Variants in ERLIN1 observed in about 807,000 individuals in gnomAD.
ERLIN1 encodes the protein erlin-1.
A neutral mutation model predicts 46.9 loss-of-function variants in ERLIN1; 24 were observed. That is an observed-to-expected ratio of 0.51 (90% confidence interval 0.37 to 0.72). ERLIN1 has a LOEUF of 0.72. Among genes scored for constraint, ERLIN1 ranks in the 30% least tolerant of loss-of-function variants. The pLI is 0.00. For synonymous variants in ERLIN1, 158 were observed against 143.2 expected (o/e 1.10, Z -0.74); for missense variants, 293 against 417.9 (o/e 0.70, Z 2.61).
intron 9 of ERLIN1, 126 bp from the exon 10 acceptor site, chr10:100,155,065 T>C: frequency 2.7e-6 from 2 of 735,800 alleles, no homozygotes; most frequent in South Asian, 3.4e-5. Flanking sequence ...TTAGCAGTTT[T>C]CAAGTCCCAG....
chr10:100,154,159 G>A (rs1842948251), intron 10 of ERLIN1, among the ~76,000 whole-genome samples: 1 of 152,106 alleles, frequency 6.6e-6, no homozygotes, highest in South Asian at 2.1e-4. Context: ...TACTATCGGA[G>A]TTCTAGCTGC....
intron 6 of ERLIN1, among the ~76,000 whole-genome samples, chr10:100,168,356 T>C (rs2134140161): frequency 6.6e-6 from 1 of 152,322 alleles, no homozygotes; most frequent in East Asian, 1.9e-4. Context: ...TGAGTCAAAT[T>C]TGTAGGTAAT....
chr10:100,154,821 G>A (rs778636538), intron 10 of ERLIN1, 39 bp downstream of exon 10: 29 of 1,547,534 alleles, frequency 1.9e-5, no homozygotes, highest in Middle Eastern at 1.7e-4. Context: ...GCAAAACCCC[G>A]AAATGCATCA....
At chr10:100,156,486 C>A (rs761710779) in intron 8 of ERLIN1, among the ~76,000 whole-genome samples, 1 of 152,116 alleles carries the variant, frequency 6.6e-6, no homozygotes, top group Non-Finnish European at 1.5e-5. Flanking sequence ...AAGTGCCAGT[C>A]CTTCATGCAA....
At chr10:100,174,481 A>G (rs890633846) in intron 5 of ERLIN1, among the ~76,000 whole-genome samples, 200 bp from the exon 6 acceptor site, 1 of 152,236 alleles carries the variant, frequency 6.6e-6, no homozygotes, top group Non-Finnish European at 1.5e-5. Context: ...TAAGGAACGA[A>G]GATGACAAGC....
At chr10:100,180,535 T>C (rs1844575910) in intron 2 of ERLIN1, among the ~76,000 whole-genome samples, 1 of 152,168 alleles carries the variant, frequency 6.6e-6, no homozygotes, top group Admixed American at 6.5e-5. Context: ...TAAGAACAGA[T>C]GAGGCAGAGG....
intron 7 of ERLIN1, 76 bp downstream of exon 7, chr10:100,167,272 T>G (rs1843697732): frequency 3.8e-6 from 4 of 1,056,834 alleles, no homozygotes; most frequent in Non-Finnish European, 2.9e-6. Context: ...TTGTCTCACA[T>G]GTTTCCTCTA....
At chr10:100,171,534 T>C (rs1457873252) in intron 6 of ERLIN1, among the ~76,000 whole-genome samples, 1 of 152,080 alleles carries the variant, frequency 6.6e-6, no homozygotes, top group Non-Finnish European at 1.5e-5. Context: ...GCCTCCCAAG[T>C]AGCTGGGACT....
intron 2 of ERLIN1, among the ~76,000 whole-genome samples, chr10:100,181,686 TGTATTTTTGTAGACACAGC>T (rs1844658559): frequency 6.6e-6 from 1 of 152,216 alleles, no homozygotes; most frequent in African/African-American, 2.4e-5. Flanking sequence ...AGCTAATTTT[TGTATTTTTGTAGACACAGC>T]GTTTGACCAG....
intron 8 of ERLIN1, among the ~76,000 whole-genome samples, chr10:100,159,018 T>G (rs1843217067): frequency 6.6e-6 from 1 of 152,140 alleles, no homozygotes; most frequent in South Asian, 2.1e-4. Flanking sequence ...TGGATAAGAT[T>G]ACAAAATCCA....
At chr10:100,165,972 G>C (rs186554727) in intron 7 of ERLIN1, among the ~76,000 whole-genome samples, 1 of 151,788 alleles carries the variant, frequency 6.6e-6, no homozygotes, top group Non-Finnish European at 1.5e-5. Context: ...GTGATCCGCC[G>C]GCCTCAGCCT....
intron 7 of ERLIN1, among the ~76,000 whole-genome samples, chr10:100,166,970 A>G (rs1158071431): frequency 6.6e-6 from 1 of 152,234 alleles, no homozygotes; most frequent in Non-Finnish European, 1.5e-5. Flanking sequence ...TATTCCTACC[A>G]TTACAACACA....
intron 9 of ERLIN1, 96 bp from the exon 10 acceptor site, chr10:100,155,035 T>C: frequency 1.9e-6 from 2 of 1,041,524 alleles, no homozygotes; most frequent in Non-Finnish European, 2.9e-6. Flanking sequence ...TTATTTCACA[T>C]TGAAAGTTTT....
chr10:100,151,861 G>A lies in ERLIN1; in HGVS notation c.*270C>T, dbSNP rs764420743. ...AGTGTTTAACATTCCAGTGCAGGCAGTATCTTAGCATCAGACTTTCCTCAT... is the reference window on the plus strand; with the variant it reads ...AGTGTTTAACATTCCAGTGCAGGCAATATCTTAGCATCAGACTTTCCTCAT... On this transcript the variant is annotated 3_prime_UTR_variant, in exon 11 of 11. Transcript: ENST00000421367. The A allele has an allele frequency of 1.2e-4, 59 of 491,254 alleles. No homozygotes were observed. Among genetic ancestry groups the A allele is most frequent in the Non-Finnish European group, 8.6e-5 (23 of 267,300 alleles). The allele number at this position is 491,254 out of a possible 1,614,324, so 30.4% of individuals were successfully genotyped here.
chr10:100,183,462 C>T (rs1445859422), intron 2 of ERLIN1, among the ~76,000 whole-genome samples: 1 of 152,192 alleles, frequency 6.6e-6, no homozygotes, highest in Non-Finnish European at 1.5e-5. Flanking sequence ...GTTTCTAATT[C>T]TTACTTTTAT....
chr10:100,154,904 C>G lies in ERLIN1; in HGVS notation c.781G>C (p.Asp261His), dbSNP rs1431004456. Residue 261 changes from aspartate to histidine, a missense_variant, in exon 10 of 11, where the codon GAT becomes CAT. By Grantham distance (81) the Asp-to-His change is moderately conservative. Transcript: ENST00000421367. ...TTGTGTGCAGCATAATATTCAGCATCTGCTTTCGCTTTCTCTCGGGCCAGG... is the reference window on the plus strand; with the variant it reads ...TTGTGTGCAGCATAATATTCAGCATGTGCTTTCGCTTTCTCTCGGGCCAGG... ...AFLAREKAKA[D>H]AEYYAAHKYA... 1.9e-6 allele frequency: 3 copies of G among 1,613,968 alleles called. No homozygotes were observed. Among genetic ancestry groups the G allele is most frequent in the East Asian group, 4.5e-5 (2 of 44,880 alleles).
At chr10:100,178,824 A>C (rs186411088) in intron 3 of ERLIN1, among the ~76,000 whole-genome samples, 141 of 152,332 alleles carry the variant, frequency 9.3e-4, no homozygotes, top group Non-Finnish European at 3.4e-4. Flanking sequence ...AGTGTCAATA[A>C]AGGAATGTGT....
chr10:100,158,363 T>C (rs1391910409), intron 8 of ERLIN1, among the ~76,000 whole-genome samples: 1 of 152,170 alleles, frequency 6.6e-6, no homozygotes, highest in Admixed American at 6.5e-5. Flanking sequence ...ACTAACAACA[T>C]ACTTGTAAAT....
At chr10:100,165,607 C>T (rs186478048) in intron 7 of ERLIN1, among the ~76,000 whole-genome samples, 25 of 152,122 alleles carry the variant, frequency 1.6e-4, no homozygotes, top group East Asian at 5.8e-4. Context: ...AGGATGGTCT[C>T]GATCTCCTGA....
Sources: gnomAD v4.1 joint callset for allele counts (sites outside exome capture counted in the v4.1 genomes callset) on GRCh38, gnomAD v4.1.1 for gene constraint, MANE v1.5 for transcripts, NCBI Gene and HGNC (gene_info 2026-07-23, HGNC 2026-07-21) for gene names.